The following MDFIC2 variants were observed in gnomAD, a reference collection of about 807,000 sequenced individuals.
MDFIC2 encodes the protein myoD family inhibitor domain-containing protein 2.
intron 2 of MDFIC2, among the ~76,000 whole-genome samples, chr3:70,250,411 TCACACACACACACACACA>T (rs61355248): frequency 0.011 from 1,352 of 124,964 alleles, 8 homozygotes; most frequent in East Asian, 0.03. Context: ...TTAATGAATC[TCACACACACACACACACA>T]CACACACACA....
At chr3:70,269,586 C>T (rs1210605202) in intron 2 of MDFIC2, among the ~76,000 whole-genome samples, 2 of 152,132 alleles carry the variant, frequency 1.3e-5, no homozygotes, top group Non-Finnish European at 2.9e-5. Flanking sequence ...AATTTTGGTT[C>T]AGGGGCTGCC....
At chr3:70,237,075 C>A (rs1411795284) in intron 2 of MDFIC2, among the ~76,000 whole-genome samples, 2 of 151,936 alleles carry the variant, frequency 1.3e-5, no homozygotes, top group Non-Finnish European at 2.9e-5. Flanking sequence ...TATTTGGTTC[C>A]GTATTATCAG....
Position 70,290,759 on chromosome 3 carries a change from G to A in MDFIC2, c.88+21127C>T, listed in dbSNP as rs547141205. The stretch of plus-strand genomic sequence containing the variant: ...CGAGCCAGGTGCAGGTTATAATCTC[G>A]TGGTGCGCCGTTTTTTAAGCTTGTC... On this transcript the variant is annotated intron_variant, in intron 2 of 3. Coordinates refer to ENST00000567252, the MANE Select transcript of MDFIC2 (RefSeq NM_001364677.1). Among the ~76,000 whole-genome samples, 3 of 152,282 alleles carry A rather than the reference G, an allele frequency of 2.0e-5. No homozygotes were observed. The East Asian group carries it at 5.8e-4, about 30-fold the overall frequency.
rs1048873072 is a variant in MDFIC2, at chr3:70,264,866, C to A, written c.88+47020G>T. On this transcript the variant is annotated intron_variant, in intron 2 of 3. Coordinates refer to ENST00000567252, the MANE Select transcript of MDFIC2 (RefSeq NM_001364677.1). ...TTCTCACACTGCTAATAAAGACATA[C>A]CATAGACTGGGTAATTTATACAGGA... Among the ~76,000 whole-genome samples the A allele has an allele frequency of 3.9e-5, 6 of 151,998 alleles. No individual in the cohort carries two copies. The East Asian group carries it at 9.7e-4, about 24-fold the overall frequency.
chr3:70,257,530 GA>G (rs1701828384), intron 2 of MDFIC2, among the ~76,000 whole-genome samples: 1 of 152,008 alleles, frequency 6.6e-6, no homozygotes, highest in African/African-American at 2.4e-5. Flanking sequence ...GGGAGAACTG[GA>G]AAATCAATTA....
In MDFIC2 at chr3:70,195,138, G is replaced by A. The variant is rs903520489; in HGVS notation, c.*1788C>T. 2.0e-5 allele frequency among the ~76,000 whole-genome samples: 3 copies of A among 152,120 alleles called. No homozygotes were observed. Among genetic ancestry groups the A allele is most frequent in the South Asian group, 2.1e-4 (1 of 4,820 alleles). On this transcript the variant is annotated 3_prime_UTR_variant, in exon 4 of 4. Transcript: ENST00000567252. The stretch of plus-strand genomic sequence containing the variant: ...GGTCTTGAATAAGTCAGTTCATGGG[G>A]CCTCTCTTTTCCCCTGTGAAATATA...
At chr3:70,246,098 T>TA (rs1014599330) in intron 2 of MDFIC2, among the ~76,000 whole-genome samples, 42 of 150,410 alleles carry the variant, frequency 2.8e-4, no homozygotes, top group East Asian at 2.5e-3. Flanking sequence ...CTACACACCA[T>TA]AAAAAAAAAC....
chr3:70,214,708 T>C (rs1388530425), intron 2 of MDFIC2, among the ~76,000 whole-genome samples: 1 of 151,958 alleles, frequency 6.6e-6, no homozygotes, highest in Non-Finnish European at 1.5e-5. Context: ...GTGATGTACT[T>C]TTATAGCTAG....
chr3:70,244,528 A>G (rs1028808469), intron 2 of MDFIC2, among the ~76,000 whole-genome samples: 2 of 152,244 alleles, frequency 1.3e-5, no homozygotes, highest in African/African-American at 2.4e-5. Context: ...GAGTAGGCTA[A>G]CAAATCTATT....
intron 2 of MDFIC2, among the ~76,000 whole-genome samples, chr3:70,255,731 A>G (rs116713811): frequency 0.023 from 3,566 of 152,238 alleles, 150 homozygotes; most frequent in African/African-American, 0.081. Context: ...GGGGAGGATT[A>G]CAGGTATGAT....
intron 2 of MDFIC2, among the ~76,000 whole-genome samples, chr3:70,211,766 C>CCCTTTCCTTTCCTCT (rs1576156989): frequency 6.8e-6 from 1 of 146,180 alleles, no homozygotes; most frequent in African/African-American, 2.5e-5. Context: ...TTTTCTTTCT[C>CCCTTTCCTTTCCTCT]CCTTTCCTTT....
intron 2 of MDFIC2, among the ~76,000 whole-genome samples, chr3:70,230,490 G>C (rs1025624690): frequency 2.6e-5 from 2 of 76,424 alleles, no homozygotes; most frequent in African/African-American, 7.1e-5. Flanking sequence ...AGACAAATTC[G>C]AGATGAATCA....
Position 70,275,652 on chromosome 3 carries a change from C to T in MDFIC2, c.88+36234G>A, listed in dbSNP as rs549784335. Among the ~76,000 whole-genome samples, 6 of 152,338 alleles carry T rather than the reference C, an allele frequency of 3.9e-5. No homozygotes were observed. In the East Asian group the frequency reaches 5.8e-4, roughly 15 times the overall value. On this transcript the variant is annotated intron_variant, in intron 2 of 3. Transcript: ENST00000567252. ...GGCAAGTCATTTACTCAACCTCCCA[C>T]GCCTCAGCTTCTTCATCTGTTCATC...
chr3:70,226,181 A>T (rs1038310886), intron 2 of MDFIC2, among the ~76,000 whole-genome samples: 1 of 152,234 alleles, frequency 6.6e-6, no homozygotes, highest in Non-Finnish European at 1.5e-5. Flanking sequence ...CTCATTCGAT[A>T]AACATTTATG....
intron 2 of MDFIC2, among the ~76,000 whole-genome samples, chr3:70,229,276 G>T (rs1701536965): frequency 6.6e-6 from 1 of 152,224 alleles, no homozygotes; most frequent in Admixed American, 6.5e-5. Flanking sequence ...GTGTGTGAAA[G>T]AATTTAGTGG....
chr3:70,201,098 T>C (rs999336495), intron 3 of MDFIC2, among the ~76,000 whole-genome samples: 7 of 152,144 alleles, frequency 4.6e-5, no homozygotes, highest in African/African-American at 1.4e-4. Flanking sequence ...GTTTGCTACA[T>C]AGGTAAACTT....
At chr3:70,274,056 CGTGTGTGTGT>C (rs111792704) in intron 2 of MDFIC2, among the ~76,000 whole-genome samples, 2 of 142,852 alleles carry the variant, frequency 1.4e-5, no homozygotes, top group South Asian at 2.4e-4. Flanking sequence ...ATTAAACCTC[CGTGTGTGTGT>C]GTGTGTGTGT....
chr3:70,287,605 A>G (rs1191770948), intron 2 of MDFIC2, among the ~76,000 whole-genome samples: 9 of 151,802 alleles, frequency 5.9e-5, no homozygotes, highest in Admixed American at 3.3e-4. Context: ...CTCTTTTTCT[A>G]TTGATTGGAA....
intron 2 of MDFIC2, among the ~76,000 whole-genome samples, chr3:70,259,012 G>T (rs55672246): frequency 0.15 from 23,168 of 151,992 alleles, 1,816 homozygotes; most frequent in South Asian, 0.25. Flanking sequence ...TATAATAAAG[G>T]TACTCAAGTT....
Sources: gnomAD v4.1 joint callset for allele counts (sites outside exome capture counted in the v4.1 genomes callset) on GRCh38, gnomAD v4.1.1 for gene constraint, MANE v1.5 for transcripts, NCBI Gene and HGNC (gene_info 2026-07-23, HGNC 2026-07-21) for gene names.